ZC3H12B: variants seen among roughly 807,000 people sequenced by gnomAD.
ZC3H12B encodes the protein probable ribonuclease ZC3H12B.
In ZC3H12B, 7 loss-of-function variants were observed where a neutral mutation model predicts 43.9. The observed-to-expected ratio is 0.16, with a 90% CI of 0.09 to 0.30. The LOEUF (loss-of-function observed/expected upper bound fraction) is 0.30. Among genes scored for constraint, ZC3H12B ranks in the 10% least tolerant of loss-of-function variants. ZC3H12B has a pLI of 1.00. For missense variants in ZC3H12B, 475 were observed against 670.2 expected (o/e 0.71, Z 3.22); for synonymous variants, 222 against 241.7 (o/e 0.92, Z 0.76).
At chrX:65,409,902 G>C (rs902857955) in intron 3 of ZC3H12B, among the ~76,000 whole-genome samples, 2 of 110,559 alleles carry the variant, frequency 1.8e-5, no homozygotes, top group Non-Finnish European at 3.8e-5. Flanking sequence ...GCAATCTACA[G>C]ATTCAATGTA....
At chrX:65,167,880 A>T in the ZC3H12B span, among the ~76,000 whole-genome samples, 11 of 112,246 alleles carry the variant, frequency 9.8e-5, no homozygotes, top group Non-Finnish European at 2.1e-4. Flanking sequence ...TTTACACATT[A>T]GTTCTGTATC....
chrX:65,227,591 G>T, the ZC3H12B span, among the ~76,000 whole-genome samples: 5 of 111,665 alleles, frequency 4.5e-5, no homozygotes, highest in Non-Finnish European at 9.4e-5. Context: ...AATGAATCCA[G>T]TAGCTGGTTT....
At chrX:65,169,186 C>G in the ZC3H12B span, among the ~76,000 whole-genome samples, 1 of 111,811 alleles carries the variant, frequency 8.9e-6, no homozygotes, top group Non-Finnish European at 1.9e-5. Flanking sequence ...TATAAATTTT[C>G]TTCTACACAT....
chrX:65,104,396 A>C, the ZC3H12B span, among the ~76,000 whole-genome samples: 1 of 112,238 alleles, frequency 8.9e-6, no homozygotes, highest in Non-Finnish European at 1.9e-5. Context: ...TGGCAACAAA[A>C]GCCAAAATTG....
chrX:65,408,156 C>A (rs1239515850), intron 3 of ZC3H12B: 4 of 1,200,245 alleles, frequency 3.3e-6, no homozygotes, highest in African/African-American at 3.5e-5. Context: ...ATCGCGGAGT[C>A]CCTGGACCGG....
the ZC3H12B span, among the ~76,000 whole-genome samples, chrX:65,346,577 C>T: frequency 8.9e-6 from 1 of 112,095 alleles, no homozygotes; most frequent in Non-Finnish European, 1.9e-5. Context: ...AAATTTATGA[C>T]CAAGTCCTCA....
Position 65,453,679 on chromosome X carries a change from G to A in ZC3H12B, n.408-34967G>A, listed in dbSNP as rs991248065. Among the ~76,000 whole-genome samples, 21 of 108,630 alleles carry A rather than the reference G, an allele frequency of 1.9e-4. No homozygotes were observed. In the Admixed American group the frequency reaches 2.0e-3, roughly 10 times the overall value. 94.3% of individuals were successfully genotyped at this position (108,630 alleles called of 115,157 possible). ...AGAGGTTGCAGTGAACCGAGATCAT[G>A]CCACCGCACTCGAGCCTCGAGCCTA... is the stretch of plus-strand genomic sequence containing the variant. On this transcript the variant is annotated intron_variant and non_coding_transcript_variant, in intron 3 of 5. Transcript: ENST00000617377.
chrX:65,335,973 A>G, the ZC3H12B span, among the ~76,000 whole-genome samples: 1 of 111,676 alleles, frequency 9.0e-6, no homozygotes, highest in African/African-American at 3.3e-5. Flanking sequence ...AGGGAAGTGT[A>G]GCATAGTTTG....
intron 3 of ZC3H12B, among the ~76,000 whole-genome samples, chrX:65,480,467 A>G (rs2068048920): frequency 8.9e-6 from 1 of 112,387 alleles, no homozygotes; most frequent in Non-Finnish European, 1.9e-5. Context: ...AGGGCTATGT[A>G]TAACTAGCTA....
chrX:65,094,431 A>G, the ZC3H12B span, among the ~76,000 whole-genome samples: 1 of 111,487 alleles, frequency 9.0e-6, no homozygotes, highest in African/African-American at 3.3e-5. Context: ...AAAACCCATT[A>G]TTCTTCTCAG....
the ZC3H12B span, among the ~76,000 whole-genome samples, chrX:65,172,013 G>A: frequency 8.9e-6 from 1 of 112,467 alleles, no homozygotes; most frequent in Non-Finnish European, 1.9e-5. Flanking sequence ...ATCCCGCCCT[G>A]CTCTGTGGGC....
At chrX:65,169,158 C>A in the ZC3H12B span, among the ~76,000 whole-genome samples, 2 of 111,638 alleles carry the variant, frequency 1.8e-5, no homozygotes, top group Admixed American at 1.9e-4. Flanking sequence ...CCTGCTTTCT[C>A]TCGTGGTCAT....
At chrX:65,197,571 C>T in the ZC3H12B span, among the ~76,000 whole-genome samples, 1 of 111,927 alleles carries the variant, frequency 8.9e-6, no homozygotes, top group Non-Finnish European at 1.9e-5. Flanking sequence ...AGAAAAGTTT[C>T]CTAATTACAG....
At chrX:65,161,843 T>C in the ZC3H12B span, among the ~76,000 whole-genome samples, 1 of 112,039 alleles carries the variant, frequency 8.9e-6, no homozygotes, top group Non-Finnish European at 1.9e-5. Context: ...CACTAGTTGA[T>C]GCAGTTTCTT....
the ZC3H12B span, among the ~76,000 whole-genome samples, chrX:65,299,934 G>T: frequency 8.9e-6 from 1 of 112,278 alleles, no homozygotes; most frequent in Non-Finnish European, 1.9e-5. Context: ...CTTACATAGA[G>T]CTGGGATGAA....
At chrX:65,451,182 T>C (rs1481328615) in intron 3 of ZC3H12B, among the ~76,000 whole-genome samples, 1 of 110,694 alleles carries the variant, frequency 9.0e-6, no homozygotes, top group Non-Finnish European at 1.9e-5. Flanking sequence ...ACTTCTGACC[T>C]CGAGTGAGCC....
intron 3 of ZC3H12B, among the ~76,000 whole-genome samples, chrX:65,459,197 A>C: frequency 8.9e-6 from 1 of 112,163 alleles, no homozygotes; most frequent in Non-Finnish European, 1.9e-5. Flanking sequence ...ACAGGCTCTG[A>C]AATTGAGGCA....
the ZC3H12B span, among the ~76,000 whole-genome samples, chrX:65,230,936 A>C: frequency 8.9e-6 from 1 of 112,238 alleles, no homozygotes; most frequent in Non-Finnish European, 1.9e-5. Context: ...CTTTAGTATG[A>C]AGACTTAAGG....
chrX:65,153,997 G>A, the ZC3H12B span, among the ~76,000 whole-genome samples: 5 of 110,771 alleles, frequency 4.5e-5, no homozygotes, highest in East Asian at 2.8e-4. Context: ...ACCAAACACC[G>A]CATATTCTCA....
Sources: gnomAD v4.1 joint callset for allele counts (sites outside exome capture counted in the v4.1 genomes callset) on GRCh38, gnomAD v4.1.1 for gene constraint, MANE v1.5 for transcripts, NCBI Gene and HGNC (gene_info 2026-07-23, HGNC 2026-07-21) for gene names.